AGBL1: variants seen among roughly 807,000 people sequenced by gnomAD.
The protein encoded by AGBL1 is cytosolic carboxypeptidase 4.
In AGBL1, 130 loss-of-function variants were observed where a neutral mutation model predicts 118.9. That is an observed-to-expected ratio of 1.09 (90% confidence interval 0.95 to 1.26). AGBL1 has a LOEUF of 1.26. Among genes scored for constraint, AGBL1 ranks in the 50% most tolerant of loss-of-function variants. The probability of loss-of-function intolerance (pLI) is 0.00; values close to 1 mark genes in which losing one functional copy is unlikely to be tolerated. For synonymous variants in AGBL1, 555 were observed against 478.9 expected, an observed-to-expected ratio of 1.16 and a Z score of -2.08; for missense variants, 1,584 against 1,298.1, an observed-to-expected ratio of 1.22 and a Z score of -3.38.
chr15:86,202,864 G>C (rs568531463), intron 5 of AGBL1, among the ~76,000 whole-genome samples: 4 of 152,196 alleles, frequency 2.6e-5, no homozygotes, highest in South Asian at 4.2e-4. Flanking sequence ...GTCCATCCCT[G>C]CTCTGGAGGG....
At chr15:86,701,246 A>T (rs533369056) in intron 22 of AGBL1, among the ~76,000 whole-genome samples, 1 of 152,204 alleles carries the variant, frequency 6.6e-6, no homozygotes, top group South Asian at 2.1e-4. Flanking sequence ...GAGACAAGAG[A>T]GGATATGATT....
chr15:86,847,366 C>T (rs1219479641), intron 22 of AGBL1, among the ~76,000 whole-genome samples: 1 of 152,140 alleles, frequency 6.6e-6, no homozygotes, highest in African/African-American at 2.4e-5. Context: ...GTAGATAATG[C>T]ATTGTGCTAA....
In AGBL1 at chr15:86,207,515, A is replaced by G. The variant is rs2141874805; in HGVS notation, c.489-17399A>G. 1.3e-5 allele frequency among the ~76,000 whole-genome samples: 2 copies of G among 152,226 alleles called. 1 individual carries two copies. The highest frequency in any genetic ancestry group is 4.2e-4 in the South Asian group (2 of 4,818). On this transcript the variant is annotated intron_variant, in intron 5 of 22. Transcript: ENST00000614907. ...AGCAGTGGTTTGTAGTTCTCCTTGA[A>G]GAGATCCTTCACATCCCTTGTAAGT...
At chr15:86,528,055 G>T (rs1340331537) in intron 19 of AGBL1, among the ~76,000 whole-genome samples, 1 of 152,124 alleles carries the variant, frequency 6.6e-6, no homozygotes, top group East Asian at 1.9e-4. Context: ...ACGTGTCAGG[G>T]ATACAAAGAA....
intron 21 of AGBL1, among the ~76,000 whole-genome samples, chr15:86,640,434 C>T (rs2085171987): frequency 6.6e-6 from 1 of 152,156 alleles, no homozygotes; most frequent in South Asian, 2.1e-4. Context: ...TCTGTCCATC[C>T]TTGTGTGTAT....
intron 22 of AGBL1, among the ~76,000 whole-genome samples, chr15:86,711,112 G>C (rs546124002): frequency 5.9e-5 from 9 of 152,260 alleles, no homozygotes; most frequent in African/African-American, 1.9e-4. Flanking sequence ...ATGCTGTCAA[G>C]ACTGTGGGTA....
At chr15:86,566,497 G>A (rs1298033809) in intron 21 of AGBL1, among the ~76,000 whole-genome samples, 2 of 152,106 alleles carry the variant, frequency 1.3e-5, no homozygotes, top group Non-Finnish European at 2.9e-5. Context: ...TGAATAAGGA[G>A]CAGAGTAGAT....
intron 22 of AGBL1, among the ~76,000 whole-genome samples, chr15:86,886,623 G>A (rs1336936936): frequency 2.0e-5 from 3 of 152,138 alleles, no homozygotes; most frequent in East Asian, 1.9e-4. Context: ...GTGAATAAAT[G>A]CATTAAAATC....
At chr15:86,992,333 A>C (rs1191226801) in intron 24 of AGBL1, among the ~76,000 whole-genome samples, 1 of 152,158 alleles carries the variant, frequency 6.6e-6, no homozygotes, top group African/African-American at 2.4e-5. Flanking sequence ...ACATTTCAAC[A>C]TGAGGTTTGG....
At chr15:86,643,523 C>A (rs987370117) in intron 21 of AGBL1, among the ~76,000 whole-genome samples, 1 of 151,970 alleles carries the variant, frequency 6.6e-6, no homozygotes, top group African/African-American at 2.4e-5. Flanking sequence ...ATTAGCTTGT[C>A]GCTAACTTCT....
chr15:86,404,783 A>C (rs1369775924), intron 18 of AGBL1, among the ~76,000 whole-genome samples: 3 of 152,206 alleles, frequency 2.0e-5, no homozygotes, highest in African/African-American at 7.2e-5. Flanking sequence ...GGCAATGAGC[A>C]TACTTGCCAT....
chr15:86,793,019 A>C (rs1053653340), intron 22 of AGBL1, among the ~76,000 whole-genome samples: 1 of 152,222 alleles, frequency 6.6e-6, no homozygotes, highest in African/African-American at 2.4e-5. Flanking sequence ...GTTAAAAAAA[A>C]TAGTAACCGT....
At chr15:86,994,125 C>T (rs139430294) in intron 24 of AGBL1, among the ~76,000 whole-genome samples, 1,765 of 152,148 alleles carry the variant, frequency 0.012, 15 homozygotes, top group Non-Finnish European at 0.017. Flanking sequence ...GGAAGCTCCC[C>T]GCAGCAAAGA....
intron 17 of AGBL1, among the ~76,000 whole-genome samples, chr15:86,348,336 T>A (rs2141895648): frequency 6.6e-6 from 1 of 152,374 alleles, no homozygotes; most frequent in African/African-American, 2.4e-5. Flanking sequence ...CTACCTACTG[T>A]GTTTTCACCT....
At chr15:86,988,166 T>C (rs1424431336) in intron 24 of AGBL1, 2 of 1,539,654 alleles carry the variant, frequency 1.3e-6, no homozygotes, top group East Asian at 2.3e-5. Context: ...GTGACTACAT[T>C]GGGACTGGAC....
intron 14 of AGBL1, 94 bp from the exon 15 acceptor site, chr15:86,271,525 C>A: frequency 1.1e-6 from 1 of 949,878 alleles, no homozygotes; most frequent in Non-Finnish European, 1.7e-6. Flanking sequence ...TCACAGTTTC[C>A]AGGGATTAAG....
At chr15:86,220,203 C>T (rs576001898) in intron 5 of AGBL1, among the ~76,000 whole-genome samples, 4 of 152,260 alleles carry the variant, frequency 2.6e-5, no homozygotes, top group East Asian at 3.9e-4. Context: ...CCACCTGCCT[C>T]GGCCTCCCAA....
chr15:86,596,830 C>T (rs968660861), intron 21 of AGBL1, among the ~76,000 whole-genome samples: 2 of 151,980 alleles, frequency 1.3e-5, no homozygotes, highest in Non-Finnish European at 2.9e-5. Context: ...CTTCTTTTTC[C>T]CCTATTACTC....
chr15:86,526,946 A>T (rs1697019639), intron 19 of AGBL1, among the ~76,000 whole-genome samples: 1 of 152,042 alleles, frequency 6.6e-6, no homozygotes, highest in African/African-American at 2.4e-5. Context: ...GGACTTTACC[A>T]CTATAGAATT....
Sources: gnomAD v4.1 joint callset for allele counts (sites outside exome capture counted in the v4.1 genomes callset) on GRCh38, gnomAD v4.1.1 for gene constraint, MANE v1.5 for transcripts, NCBI Gene and HGNC (gene_info 2026-07-23, HGNC 2026-07-21) for gene names.